The following CDC42BPA variants were observed in gnomAD, a reference collection of about 807,000 sequenced individuals.
CDC42BPA encodes CDC42 binding protein kinase alpha.
A neutral mutation model predicts 223.5 loss-of-function variants in CDC42BPA; 80 were observed. The ratio of observed to expected loss-of-function variants is 0.36; its 90% CI spans 0.30 to 0.43. The LOEUF (loss-of-function observed/expected upper bound fraction) is 0.43. Ranked by LOEUF, CDC42BPA falls within the 20% of genes least tolerant of loss-of-function variation. The pLI, the probability that CDC42BPA is intolerant of heterozygous loss-of-function variation, is 1.00. For synonymous variants in CDC42BPA, 694 were observed against 718.6 expected (o/e 0.97, Z 0.55); for missense variants, 1,743 against 2,099.9 (o/e 0.83, Z 3.32).
intron 1 of CDC42BPA, among the ~76,000 whole-genome samples, chr1:227,314,194 G>A (rs1037856793): frequency 6.6e-6 from 1 of 151,954 alleles, no homozygotes; most frequent in South Asian, 2.1e-4. Flanking sequence ...TGCTGACATC[G>A]ACTATTACTG....
intron 10 of CDC42BPA, 21 bp from the exon 11 acceptor site, chr1:227,129,252 G>T: frequency 6.6e-7 from 1 of 1,518,406 alleles, no homozygotes; most frequent in Admixed American, 2.4e-5. Context: ...AAGGATAAAA[G>T]AAATAAAAAT....
intron 1 of CDC42BPA, among the ~76,000 whole-genome samples, chr1:227,303,714 A>G (rs963286176): frequency 2.0e-5 from 3 of 151,906 alleles, no homozygotes; most frequent in Admixed American, 2.0e-4. Flanking sequence ...ACTTTCTCAG[A>G]CCTCCTAAGT....
At chr1:227,130,608 G>A (rs1392094450) in intron 10 of CDC42BPA, among the ~76,000 whole-genome samples, 1 of 151,820 alleles carries the variant, frequency 6.6e-6, no homozygotes, top group African/African-American at 2.4e-5. Flanking sequence ...TAATCCCAGC[G>A]CTTTGGGAGG....
At chr1:227,248,222 A>G (rs1681339053) in intron 2 of CDC42BPA, among the ~76,000 whole-genome samples, 1 of 152,212 alleles carries the variant, frequency 6.6e-6, no homozygotes, top group Non-Finnish European at 1.5e-5. Context: ...ATCAATATTC[A>G]AGTACAGCAT....
At chr1:227,160,678 C>A in intron 5 of CDC42BPA, 42 bp from the exon 6 acceptor site, 2 of 1,080,280 alleles carry the variant, frequency 1.9e-6, no homozygotes, top group South Asian at 1.5e-5. Flanking sequence ...GAAAAATAAA[C>A]AATTCATTGT....
intron 11 of CDC42BPA, among the ~76,000 whole-genome samples, chr1:227,124,487 T>C (rs1191824876): frequency 6.6e-6 from 1 of 152,160 alleles, no homozygotes; most frequent in African/African-American, 2.4e-5. Context: ...ATATATTTTT[T>C]TCTTCAGAGC....
intron 5 of CDC42BPA, among the ~76,000 whole-genome samples, chr1:227,168,480 T>C (rs1248470057): frequency 7.1e-6 from 1 of 141,830 alleles, no homozygotes; most frequent in Non-Finnish European, 1.5e-5. Context: ...GCCTTTTTCA[T>C]ATTTATCTTC....
intron 1 of CDC42BPA, 86 bp downstream of exon 1, chr1:227,316,919 G>A (rs554430052): frequency 2.1e-6 from 2 of 947,420 alleles, no homozygotes; most frequent in African/African-American, 3.3e-5. Flanking sequence ...TTTGAACGGA[G>A]TAGAGTTTAC....
chr1:227,097,719 C>G (rs1195536316), intron 15 of CDC42BPA, among the ~76,000 whole-genome samples: 2 of 152,138 alleles, frequency 1.3e-5, no homozygotes, highest in East Asian at 3.9e-4. Context: ...ATATGACCTT[C>G]TTCTAGGAGC....
At chr1:227,295,949 A>G (rs911416326) in intron 1 of CDC42BPA, among the ~76,000 whole-genome samples, 2 of 152,232 alleles carry the variant, frequency 1.3e-5, no homozygotes, top group African/African-American at 4.8e-5. Flanking sequence ...AACACAGTCA[A>G]TCGGGTTTTG....
chr1:226,998,971 A>G (rs1296318974), intron 35 of CDC42BPA, among the ~76,000 whole-genome samples: 1 of 152,188 alleles, frequency 6.6e-6, no homozygotes, highest in East Asian at 1.9e-4. Context: ...ACCCCATCAA[A>G]AAGTGGGTGA....
chr1:227,217,133 C>T (rs1461020816), intron 2 of CDC42BPA, among the ~76,000 whole-genome samples: 3 of 152,090 alleles, frequency 2.0e-5, no homozygotes, highest in Admixed American at 2.0e-4. Context: ...AGAATTCATT[C>T]ACCATATCTC....
At chr1:227,142,690 G>A (rs1343654435) in intron 9 of CDC42BPA, among the ~76,000 whole-genome samples, 1 of 151,874 alleles carries the variant, frequency 6.6e-6, no homozygotes, top group African/African-American at 2.4e-5. Flanking sequence ...CGCAGTCTCG[G>A]CTCACTGCAA....
chr1:227,071,698 C>G (rs928693857), intron 20 of CDC42BPA, among the ~76,000 whole-genome samples: 9 of 127,400 alleles, frequency 7.1e-5, no homozygotes, highest in Admixed American at 4.9e-4. Flanking sequence ...CCTCAACTAC[C>G]CTGAAAGTGA....
intron 5 of CDC42BPA, among the ~76,000 whole-genome samples, chr1:227,164,715 C>T (rs1003353947): frequency 6.7e-5 from 10 of 149,244 alleles, no homozygotes; most frequent in East Asian, 1.9e-4. Flanking sequence ...CACACACAAA[C>T]GCACACACAC....
intron 10 of CDC42BPA, among the ~76,000 whole-genome samples, chr1:227,129,595 A>C (rs1337509530): frequency 7.7e-6 from 1 of 130,422 alleles, no homozygotes; most frequent in Non-Finnish European, 1.6e-5. Context: ...TGAGCCCCGG[A>C]GGTTGAGGTG....
chr1:227,030,382 T>C (rs1669054217), intron 29 of CDC42BPA, 26 bp downstream of exon 29: 21 of 1,434,518 alleles, frequency 1.5e-5, no homozygotes, highest in Non-Finnish European at 2.0e-5. Flanking sequence ...TTAAAATTAC[T>C]CCAAAAAAAA....
Position 227,216,131 on chromosome 1 carries a change from TATACAC to T in CDC42BPA, c.271-2918_271-2913del, listed in dbSNP as rs751014094. 2.1e-5 allele frequency among the ~76,000 whole-genome samples: 3 copies of T among 144,236 alleles called. No homozygotes were observed. The East Asian group carries it at 5.8e-4, about 28-fold the overall frequency. 94.6% of individuals were successfully genotyped at this position (144,236 alleles called of 152,430 possible). A position where few individuals can be genotyped will look rare whatever the true frequency, so the allele number is the denominator to read the frequency against. On this transcript the variant is annotated intron_variant, in intron 2 of 36. Transcript: ENST00000366766. The stretch of plus-strand genomic sequence containing the variant: ...GACTTTTTCTCTCTCTATATATATA[TATACAC>T]ACACACACACATAAAATATGTACCA...
intron 6 of CDC42BPA, among the ~76,000 whole-genome samples, chr1:227,152,348 C>T (rs1337764989): frequency 6.6e-6 from 1 of 151,996 alleles, no homozygotes; most frequent in African/African-American, 2.4e-5. Context: ...AAGAGTTTCA[C>T]AGTTTTAGTT....
Sources: gnomAD v4.1 joint callset for allele counts (sites outside exome capture counted in the v4.1 genomes callset) on GRCh38, gnomAD v4.1.1 for gene constraint, MANE v1.5 for transcripts, NCBI Gene and HGNC (gene_info 2026-07-23, HGNC 2026-07-21) for gene names.